ADAM29: variants seen among roughly 807,000 people sequenced by gnomAD.
ADAM29 encodes the protein disintegrin and metalloproteinase domain-containing protein 29.
For missense variants in ADAM29, 969 were observed against 1,001.8 expected (o/e 0.97, Z 0.44); for synonymous variants, 367 against 342.3 (o/e 1.07, Z -0.80).
chr4:174,976,554 T>C lies in ADAM29; in HGVS notation c.1029T>C (p.Asp343=). The C allele has an allele frequency of 6.3e-7, 1 of 1,599,488 alleles. No individual in the cohort carries two copies. Among genetic ancestry groups the C allele is most frequent in the South Asian group, 1.1e-5 (1 of 87,908 alleles). ...GTCATAATTTGGGCATGAACCATGA[T>C]GAGGATACATGTCGTTGTTCACAAC... The part of the protein sequence containing the change: ...HLGHNLGMNH[D]EDTCRCSQPR... The change falls in exon 5 of 5, where the codon GAT becomes GAC. Residue 343 remains aspartate (D), a synonymous_variant. Coordinates refer to ENST00000359240, the MANE Select transcript of ADAM29 (RefSeq NM_014269.4).
chr4:174,958,314 C>T (rs981668990), intron 4 of ADAM29, among the ~76,000 whole-genome samples: 3 of 151,656 alleles, frequency 2.0e-5, no homozygotes, highest in African/African-American at 7.3e-5. Context: ...CAGGTTTTCC[C>T]TCAAATATTT....
intron 4 of ADAM29, among the ~76,000 whole-genome samples, chr4:174,961,088 T>C (rs1359835919): frequency 1.3e-5 from 2 of 152,186 alleles, no homozygotes; most frequent in Non-Finnish European, 2.9e-5. Flanking sequence ...CATTCTATTT[T>C]ATAAAATGAG....
At chr4:174,969,519 C>T (rs1746350539) in intron 4 of ADAM29, among the ~76,000 whole-genome samples, 1 of 151,806 alleles carries the variant, frequency 6.6e-6, no homozygotes, top group Non-Finnish European at 1.5e-5. Context: ...ATTAAACTCA[C>T]AATTCCAGGG....
chr4:174,942,074 A>G (rs2110977564), intron 4 of ADAM29, among the ~76,000 whole-genome samples: 1 of 152,306 alleles, frequency 6.6e-6, no homozygotes, highest in South Asian at 2.1e-4. Context: ...GTCTCACATC[A>G]AGGGCATGCT....
chr4:174,935,014 AATAGAG>A (rs1744124655), intron 3 of ADAM29, among the ~76,000 whole-genome samples: 1 of 152,280 alleles, frequency 6.6e-6, no homozygotes, highest in African/African-American at 2.4e-5. Context: ...ATACATAATC[AATAGAG>A]ATAAAGACAT....
chr4:174,962,867 G>A (rs754611237), intron 4 of ADAM29, among the ~76,000 whole-genome samples: 5 of 152,134 alleles, frequency 3.3e-5, no homozygotes, highest in Non-Finnish European at 7.3e-5. Flanking sequence ...GAGCAATTTA[G>A]TGTTGATAAT....
intron 4 of ADAM29, among the ~76,000 whole-genome samples, chr4:174,970,775 C>T (rs1746427851): frequency 6.6e-6 from 1 of 152,090 alleles, no homozygotes; most frequent in Non-Finnish European, 1.5e-5. Context: ...ATGAAAATCC[C>T]TTTCATAGTG....
At chr4:174,958,155 C>T (rs910100812) in intron 4 of ADAM29, among the ~76,000 whole-genome samples, 6 of 151,628 alleles carry the variant, frequency 4.0e-5, no homozygotes, top group South Asian at 2.1e-4. Flanking sequence ...GTTCTATAAA[C>T]GTCAATTTGA....
chr4:174,925,424 T>C (rs552059270), intron 2 of ADAM29, among the ~76,000 whole-genome samples: 1 of 152,322 alleles, frequency 6.6e-6, no homozygotes, highest in Non-Finnish European at 1.5e-5. Flanking sequence ...ATTAAAAATA[T>C]TTAAAATGTC....
intron 2 of ADAM29, among the ~76,000 whole-genome samples, chr4:174,926,986 T>C (rs13143979): frequency 6.6e-6 from 1 of 152,110 alleles, no homozygotes; most frequent in Non-Finnish European, 1.5e-5. Flanking sequence ...CCGAAGAATA[T>C]ACATAAATGT....
Position 174,975,427 on chromosome 4 carries a change from G to A in ADAM29, c.-99G>A. 8.0e-7 allele frequency: 1 copy of A among 1,253,410 alleles called. No homozygotes were observed. The highest frequency in any genetic ancestry group is 1.1e-6 in the Non-Finnish European group (1 of 930,010). The allele number at this position is 1,253,410 out of a possible 1,614,324, so 77.6% of individuals were successfully genotyped here. ...TACACACTGACCAACTCAGAAGAAG[G>A]AGCCACACCACCTGTGACTCCAGCC... On this transcript the variant is annotated 5_prime_UTR_variant, in exon 5 of 5. Coordinates refer to ENST00000359240, the MANE Select transcript of ADAM29 (RefSeq NM_014269.4).
intron 2 of ADAM29, among the ~76,000 whole-genome samples, chr4:174,921,370 T>C (rs1168101468): frequency 6.6e-6 from 1 of 152,232 alleles, no homozygotes; most frequent in Non-Finnish European, 1.5e-5. Context: ...AACTGGCCTC[T>C]GTACTCAACC....
chr4:174,978,050 C>A lies in ADAM29; in HGVS notation c.*62C>A. ...CCTGTGACGCCCTCCCAGAGCCAAC[C>A]TCGGGTGACACCCTCCCAGAGTCAA... On this transcript the variant is annotated 3_prime_UTR_variant, in exon 5 of 5. Transcript: ENST00000359240. 6.3e-7 allele frequency: 1 copy of A among 1,591,646 alleles called. No homozygotes were observed. Among genetic ancestry groups the A allele is most frequent in the Non-Finnish European group, 8.6e-7 (1 of 1,166,442 alleles).
intron 4 of ADAM29, among the ~76,000 whole-genome samples, chr4:174,963,517 T>G (rs1745975246): frequency 6.6e-6 from 1 of 152,162 alleles, no homozygotes; most frequent in South Asian, 2.1e-4. Flanking sequence ...AAGGGATGCA[T>G]ATAAACCACA....
intron 4 of ADAM29, among the ~76,000 whole-genome samples, chr4:174,959,130 T>G (rs1745668435): frequency 6.6e-6 from 1 of 151,792 alleles, no homozygotes; most frequent in Admixed American, 6.6e-5. Flanking sequence ...CCGGAAAAAC[T>G]TTTTTTAACA....
chr4:174,958,223 C>T (rs916077849), intron 4 of ADAM29, among the ~76,000 whole-genome samples: 4 of 144,928 alleles, frequency 2.8e-5, no homozygotes, highest in Admixed American at 2.1e-4. Flanking sequence ...TTTTTGCCTG[C>T]TCCATGTCAA....
intron 4 of ADAM29, among the ~76,000 whole-genome samples, chr4:174,943,266 C>A (rs1744652083): frequency 6.6e-6 from 1 of 152,178 alleles, no homozygotes; most frequent in Admixed American, 6.6e-5. Flanking sequence ...CTAACCTCTC[C>A]CCATTAGTCA....
chr4:174,954,544 T>A (rs1204324735), intron 4 of ADAM29, among the ~76,000 whole-genome samples: 1 of 152,236 alleles, frequency 6.6e-6, no homozygotes, highest in Non-Finnish European at 1.5e-5. Flanking sequence ...TTATACATAT[T>A]TACAATTCCT....
At chr4:174,966,889 C>T (rs1746188895) in intron 4 of ADAM29, among the ~76,000 whole-genome samples, 1 of 152,122 alleles carries the variant, frequency 6.6e-6, no homozygotes, top group African/African-American at 2.4e-5. Flanking sequence ...AATCCAAGAG[C>T]TTTCCTTCAT....
Sources: allele counts gnomAD v4.1 joint callset (sites outside exome capture counted in the v4.1 genomes callset), GRCh38; gene constraint gnomAD v4.1.1; transcripts MANE v1.5; gene names NCBI Gene and HGNC (gene_info 2026-07-23, HGNC 2026-07-21).